Variants in SNX9 observed in about 807,000 individuals in gnomAD.
The protein encoded by SNX9 is sorting nexin 9.
Under a neutral mutation model 89.4 loss-of-function variants are expected in SNX9, and 44 were observed. That is an observed-to-expected ratio of 0.49 (90% CI 0.39 to 0.63). SNX9 has a LOEUF of 0.63. Among genes scored for constraint, SNX9 ranks in the 30% least tolerant of loss-of-function variants. SNX9 has a pLI of 0.00. For missense variants in SNX9, 578 were observed against 736.1 expected (o/e 0.79, Z 2.49); for synonymous variants, 236 against 247.8 (o/e 0.95, Z 0.45).
chr6:157,880,172 C>A (rs766879391), intron 4 of SNX9, among the ~76,000 whole-genome samples: 1 of 152,162 alleles, frequency 6.6e-6, no homozygotes, highest in African/African-American at 2.4e-5. Flanking sequence ...CTTGCCAGTG[C>A]GGCTCCACTG....
intron 1 of SNX9, among the ~76,000 whole-genome samples, chr6:157,848,749 T>C (rs1354307308): frequency 6.6e-6 from 1 of 152,150 alleles, no homozygotes; most frequent in African/African-American, 2.4e-5. Flanking sequence ...TGCAGACATG[T>C]CCACAAGCAA....
intron 1 of SNX9, among the ~76,000 whole-genome samples, chr6:157,835,045 C>T (rs111731871): frequency 0.084 from 12,848 of 152,078 alleles, 740 homozygotes; most frequent in African/African-American, 0.16. Flanking sequence ...CAGAGTCTTA[C>T]TTTGTCACCC....
intron 4 of SNX9, among the ~76,000 whole-genome samples, chr6:157,878,585 A>T (rs1320222731): frequency 6.6e-6 from 1 of 152,098 alleles, no homozygotes; most frequent in Non-Finnish European, 1.5e-5. Flanking sequence ...GGTGCCCGCC[A>T]CTACGCCCAG....
intron 1 of SNX9, among the ~76,000 whole-genome samples, chr6:157,826,035 C>T (rs528028357): frequency 5.3e-5 from 8 of 152,218 alleles, no homozygotes; most frequent in African/African-American, 1.9e-4. Context: ...TTATCAGAGA[C>T]TTGGCTATAG....
At chr6:157,931,529 C>T (rs574660691) in intron 12 of SNX9, among the ~76,000 whole-genome samples, 1 of 152,280 alleles carries the variant, frequency 6.6e-6, no homozygotes, top group East Asian at 1.9e-4. Flanking sequence ...CCAAAGTGAT[C>T]CTGGAATCTT....
chr6:157,875,067 G>A lies in SNX9; in HGVS notation c.191G>A (p.Gly64Glu). 2 of 1,613,832 alleles carry A rather than the reference G, an allele frequency of 1.2e-6. No individual in the cohort carries two copies. Among genetic ancestry groups the A allele is most frequent in the South Asian group, 1.1e-5 (1 of 90,986 alleles). Residue 64 changes from glycine (G) to glutamate (E), a missense_variant, in exon 4 of 18, where the codon GGA becomes GAA. This residue lies in a region of SNX9 where 230 missense variants were observed against 244.7 expected (regional missense o/e 0.94). Coordinates refer to ENST00000392185, the MANE Select transcript of SNX9 (RefSeq NM_016224.5). Reference sequence around the variant, plus strand: ...CCTATTCAGATTTTACCCAGTGATGGAAAAGATCAATTTTCTTGTGGAAAT... The same window carrying A: ...CCTATTCAGATTTTACCCAGTGATGAAAAAGATCAATTTTCTTGTGGAAAT... ...TDYVEILPSDGKDQFSCGNSV... is the reference protein window; with the variant it reads ...TDYVEILPSDEKDQFSCGNSV...
intron 1 of SNX9, among the ~76,000 whole-genome samples, chr6:157,838,120 T>C (rs6924385): frequency 0.79 from 119,969 of 151,964 alleles, 47,995 homozygotes; most frequent in African/African-American, 0.93. Context: ...TCGAACAATC[T>C]TTCCACCTCA....
chr6:157,891,352 C>G (rs1193300138), intron 4 of SNX9, among the ~76,000 whole-genome samples: 2 of 152,096 alleles, frequency 1.3e-5, no homozygotes, highest in Non-Finnish European at 2.9e-5. Flanking sequence ...TCTGTAGTCA[C>G]ATGCTGAAAA....
intron 4 of SNX9, among the ~76,000 whole-genome samples, chr6:157,895,247 C>T (rs764594525): frequency 1.3e-5 from 2 of 152,160 alleles, no homozygotes; most frequent in South Asian, 2.1e-4. Context: ...TTAAGGCCTG[C>T]AGTTGCTTGT....
Position 157,915,656 on chromosome 6 carries a change from TAC to T in SNX9, c.949+5645_949+5646del, listed in dbSNP as rs1355484937. ...AAAAAAAAAAATATATATATATATA[TAC>T]ACACACACACACAAAAATTAGCCAG... On this transcript the variant is annotated intron_variant, in intron 9 of 17. Coordinates refer to ENST00000392185, the MANE Select transcript of SNX9 (RefSeq NM_016224.5). Among the ~76,000 whole-genome samples the T allele has an allele frequency of 2.2e-3, 258 of 119,682 alleles. 1 individual carries two copies. The highest frequency in any genetic ancestry group is 2.9e-3 in the Non-Finnish European group (169 of 57,978). The allele number at this position is 119,682 out of a possible 152,430, so 78.5% of individuals were successfully genotyped here.
chr6:157,927,944 C>T (rs533336197), intron 11 of SNX9, among the ~76,000 whole-genome samples: 1 of 152,074 alleles, frequency 6.6e-6, no homozygotes, highest in Admixed American at 6.5e-5. Flanking sequence ...CACACACACA[C>T]ACACACACAT....
chr6:157,915,756 C>T (rs12210971), intron 9 of SNX9, among the ~76,000 whole-genome samples: 5 of 145,092 alleles, frequency 3.4e-5, no homozygotes, highest in African/African-American at 1.0e-4. Flanking sequence ...ATCCAGGAGG[C>T]GGAGGTTGCC....
At chr6:157,936,141 CTCT>C (rs1427757193) in intron 14 of SNX9, 101 bp downstream of exon 14, 2 of 775,772 alleles carry the variant, frequency 2.6e-6, no homozygotes, top group African/African-American at 3.6e-5. Flanking sequence ...AATAAGTACC[CTCT>C]TCTTTTCTGT....
chr6:157,926,301 C>T (rs1452058734), intron 10 of SNX9, among the ~76,000 whole-genome samples: 1 of 151,934 alleles, frequency 6.6e-6, no homozygotes, highest in Non-Finnish European at 1.5e-5. Context: ...CCTAGTTGGT[C>T]GTTAGGCAAG....
intron 5 of SNX9, among the ~76,000 whole-genome samples, chr6:157,901,304 T>C (rs1398129502): frequency 2.0e-5 from 3 of 152,244 alleles, no homozygotes; most frequent in African/African-American, 7.2e-5. Flanking sequence ...CCTTTTCATT[T>C]TGATTGTTTC....
intron 9 of SNX9, among the ~76,000 whole-genome samples, chr6:157,912,985 A>T (rs1366962495): frequency 6.6e-6 from 1 of 152,230 alleles, no homozygotes; most frequent in Non-Finnish European, 1.5e-5. Context: ...AAAAATTTTC[A>T]CAAGAATAAT....
intron 1 of SNX9, among the ~76,000 whole-genome samples, chr6:157,853,823 C>T (rs1361090355): frequency 6.6e-6 from 1 of 151,880 alleles, no homozygotes; most frequent in African/African-American, 2.4e-5. Context: ...TGGTGATAGC[C>T]TGCATTTACT....
chr6:157,826,978 ATT>A lies in SNX9; in HGVS notation c.12+3533_12+3534del, dbSNP rs1420260658. On this transcript the variant is annotated intron_variant, in intron 1 of 17. Transcript: ENST00000392185. ...TAGTTTATATAATATATACATATAT[ATT>A]ATAGTTTATATAATATATACATATA... Among the ~76,000 whole-genome samples, 7 of 60,814 alleles carry A rather than the reference ATT, an allele frequency of 1.2e-4. 3 individuals are homozygous for A. The highest frequency in any genetic ancestry group is 1.9e-4 in the Non-Finnish European group (7 of 37,102). 39.9% of individuals were successfully genotyped at this position (60,814 alleles called of 152,430 possible). A position where few individuals can be genotyped will look rare whatever the true frequency, so the allele number is the denominator to read the frequency against.
intron 4 of SNX9, among the ~76,000 whole-genome samples, chr6:157,885,607 A>T (rs1431389591): frequency 1.3e-5 from 2 of 152,208 alleles, no homozygotes; most frequent in African/African-American, 4.8e-5. Context: ...TGCACGTGGT[A>T]TAGTCGTAAG....
Sources: gnomAD v4.1 joint callset for allele counts (sites outside exome capture counted in the v4.1 genomes callset) on GRCh38, gnomAD v4.1.1 for gene constraint, gnomAD v4.1.1 regional missense constraint, MANE v1.5 for transcripts, NCBI Gene and HGNC (gene_info 2026-07-23, HGNC 2026-07-21) for gene names.